DCLK1: variants seen among roughly 807,000 people sequenced by gnomAD.
The protein encoded by DCLK1 is doublecortin like kinase 1.
DCLK1 carries 16 observed loss-of-function variants against 86.2 expected under a neutral mutation model. The observed-to-expected ratio is 0.19, with a 90% confidence interval of 0.13 to 0.28. The LOEUF (loss-of-function observed/expected upper bound fraction) is 0.28, where lower values mean the gene tolerates loss of function less well. Among genes scored for constraint, DCLK1 ranks in the 10% least tolerant of loss-of-function variants. DCLK1 has a pLI of 1.00. For missense variants in DCLK1, 590 were observed against 940.2 expected (o/e 0.63, Z 4.87); for synonymous variants, 369 against 370.5 (o/e 1.00, Z 0.05).
chr13:35,935,749 T>C (rs910604166), intron 4 of DCLK1, among the ~76,000 whole-genome samples: 3 of 152,222 alleles, frequency 2.0e-5, no homozygotes, highest in Non-Finnish European at 4.4e-5. Flanking sequence ...AGATTAAGGA[T>C]ATATTGTCAA....
At chr13:35,857,943 G>A (rs1238158589) in intron 5 of DCLK1, among the ~76,000 whole-genome samples, 2 of 152,218 alleles carry the variant, frequency 1.3e-5, no homozygotes, top group African/African-American at 4.8e-5. Flanking sequence ...GGAGGCAGGG[G>A]CCGCATAGTG....
At chr13:35,813,571 TTAAAA>T (rs2087197546) in intron 11 of DCLK1, among the ~76,000 whole-genome samples, 2 of 152,072 alleles carry the variant, frequency 1.3e-5, no homozygotes, top group Non-Finnish European at 1.5e-5. Flanking sequence ...AAAATCTTCC[TTAAAA>T]TAAAGAAAAT....
chr13:35,918,254 T>C (rs1875553266), intron 4 of DCLK1, among the ~76,000 whole-genome samples: 1 of 152,194 alleles, frequency 6.6e-6, no homozygotes, highest in African/African-American at 2.4e-5. Context: ...ATATGTTCTA[T>C]AAATTGCATC....
At chr13:35,805,021 AC>A (rs2086997643) in intron 15 of DCLK1, among the ~76,000 whole-genome samples, 1 of 152,148 alleles carries the variant, frequency 6.6e-6, no homozygotes, top group African/African-American at 2.4e-5. Flanking sequence ...TTATGTCGAA[AC>A]CCTTAGGTCA....
chr13:36,026,463 CAATT>C (rs1208923757), intron 3 of DCLK1, among the ~76,000 whole-genome samples: 4 of 152,138 alleles, frequency 2.6e-5, no homozygotes, highest in Non-Finnish European at 5.9e-5. Context: ...AAGATCTAAT[CAATT>C]CTTCATTAGC....
At chr13:35,890,880 G>T (rs1440428134) in intron 4 of DCLK1, among the ~76,000 whole-genome samples, 37 of 145,128 alleles carry the variant, frequency 2.5e-4, no homozygotes, top group South Asian at 2.2e-4. Context: ...TTTTTTTTCT[G>T]TTTTTTTTTT....
At chr13:35,814,328 G>A (rs988805247) in intron 11 of DCLK1, among the ~76,000 whole-genome samples, 3 of 152,200 alleles carry the variant, frequency 2.0e-5, no homozygotes, top group Non-Finnish European at 2.9e-5. Context: ...CCAAATGGCA[G>A]CCATAAATCC....
At chr13:35,960,439 C>A (rs1878391445) in intron 3 of DCLK1, among the ~76,000 whole-genome samples, 2 of 152,138 alleles carry the variant, frequency 1.3e-5, no homozygotes, top group Non-Finnish European at 2.9e-5. Flanking sequence ...TTTAGGACAT[C>A]AGAGTGAAAG....
At chr13:35,872,157 A>G (rs1872318450) in intron 4 of DCLK1, among the ~76,000 whole-genome samples, 1 of 151,924 alleles carries the variant, frequency 6.6e-6, no homozygotes. Flanking sequence ...ACTGCTTCTA[A>G]TAATTAACAA....
At chr13:35,851,993 GTA>G (rs113058173) in intron 6 of DCLK1, among the ~76,000 whole-genome samples, 16 of 147,168 alleles carry the variant, frequency 1.1e-4, no homozygotes, top group South Asian at 2.2e-4. Context: ...GCATGTGTGT[GTA>G]TGTGTGTGTG....
chr13:36,075,121 G>T (rs2153162322), intron 3 of DCLK1, among the ~76,000 whole-genome samples: 1 of 152,220 alleles, frequency 6.6e-6, no homozygotes, highest in Non-Finnish European at 1.5e-5. Flanking sequence ...TACATTTTTA[G>T]GATTCAAATG....
intron 16 of DCLK1, among the ~76,000 whole-genome samples, chr13:35,790,742 A>G (rs980414589): frequency 3.3e-5 from 5 of 152,178 alleles, no homozygotes; most frequent in African/African-American, 9.7e-5. Flanking sequence ...TCTTTATAGA[A>G]TATACCATTT....
At chr13:36,053,864 C>G (rs1883208421) in intron 3 of DCLK1, among the ~76,000 whole-genome samples, 1 of 152,066 alleles carries the variant, frequency 6.6e-6, no homozygotes, top group South Asian at 2.1e-4. Context: ...CCAGGAGACT[C>G]TGGAATGAAA....
intron 3 of DCLK1, among the ~76,000 whole-genome samples, chr13:35,987,999 G>A (rs1196273151): frequency 6.6e-6 from 1 of 152,154 alleles, no homozygotes; most frequent in Non-Finnish European, 1.5e-5. Context: ...TGCTGTGCTG[G>A]TGAAGGCAGC....
At chr13:35,806,096 G>T (rs1051315566) in intron 14 of DCLK1, among the ~76,000 whole-genome samples, 3 of 152,042 alleles carry the variant, frequency 2.0e-5, no homozygotes, top group African/African-American at 4.8e-5. Flanking sequence ...CTAGCATTTT[G>T]CATGTTAAAG....
At chr13:35,863,600 C>G (rs1871559720) in intron 5 of DCLK1, among the ~76,000 whole-genome samples, 2 of 152,198 alleles carry the variant, frequency 1.3e-5, no homozygotes, top group South Asian at 4.1e-4. Flanking sequence ...AGGGATGAAT[C>G]ACCAACCTCT....
At chr13:35,910,036 G>A (rs1874922133) in intron 4 of DCLK1, among the ~76,000 whole-genome samples, 1 of 152,068 alleles carries the variant, frequency 6.6e-6, no homozygotes, top group Non-Finnish European at 1.5e-5. Context: ...TCTTCCCCCA[G>A]GTGCTATATC....
intron 3 of DCLK1, among the ~76,000 whole-genome samples, chr13:35,964,639 T>G (rs1878632180): frequency 6.6e-6 from 1 of 152,226 alleles, no homozygotes; most frequent in African/African-American, 2.4e-5. Context: ...CAAGTTTTCC[T>G]ACACATACAA....
intron 10 of DCLK1, among the ~76,000 whole-genome samples, chr13:35,823,522 G>A (rs1007791055): frequency 6.6e-6 from 1 of 152,110 alleles, no homozygotes; most frequent in African/African-American, 2.4e-5. Flanking sequence ...AGGGAGGAAG[G>A]GGGGGAAATC....
Sources: allele counts gnomAD v4.1 joint callset (sites outside exome capture counted in the v4.1 genomes callset), GRCh38; gene constraint gnomAD v4.1.1; transcripts MANE v1.5; gene names NCBI Gene and HGNC (gene_info 2026-07-23, HGNC 2026-07-21).